GNAQ: variants seen among roughly 807,000 people sequenced by gnomAD.
GNAQ encodes G protein subunit alpha q.
GNAQ carries 8 observed loss-of-function variants against 43.9 expected under a neutral mutation model. The observed-to-expected ratio is 0.18, with a 90% CI of 0.11 to 0.33. GNAQ has a LOEUF of 0.33. GNAQ is among the 10% of genes least tolerant of loss of function. The pLI is 1.00. For synonymous variants in GNAQ, 155 were observed against 170.7 expected (o/e 0.91, Z 0.71); for missense variants, 158 against 450.8 (o/e 0.35, Z 5.88).
intron 5 of GNAQ, among the ~76,000 whole-genome samples, chr9:77,745,496 T>A (rs1825715248): frequency 6.6e-6 from 1 of 151,728 alleles, no homozygotes; most frequent in Admixed American, 6.6e-5. Context: ...CAGATCTTTC[T>A]GAAAGAAAAA....
chr9:77,824,538 CTAAGAA>C (rs1387438896), intron 2 of GNAQ, among the ~76,000 whole-genome samples: 3 of 152,118 alleles, frequency 2.0e-5, no homozygotes, highest in African/African-American at 7.2e-5. Flanking sequence ...CATAACTATT[CTAAGAA>C]TATTTCTGGT....
intron 2 of GNAQ, among the ~76,000 whole-genome samples, chr9:77,822,030 A>G (rs1827125817): frequency 6.6e-6 from 1 of 152,192 alleles, no homozygotes; most frequent in Non-Finnish European, 1.5e-5. Flanking sequence ...AAGTAAGAGA[A>G]TGGGGAGAAT....
chr9:77,852,275 T>C (rs1344825309), intron 2 of GNAQ, among the ~76,000 whole-genome samples: 1 of 152,180 alleles, frequency 6.6e-6, no homozygotes, highest in Non-Finnish European at 1.5e-5. Flanking sequence ...CTCATCCTCA[T>C]TTTAATAAAT....
chr9:77,761,004 C>T (rs1423116359), intron 5 of GNAQ, among the ~76,000 whole-genome samples: 1 of 151,774 alleles, frequency 6.6e-6, no homozygotes, highest in Non-Finnish European at 1.5e-5. Context: ...GGAGACCCTC[C>T]GCCCGGCAGC....
chr9:77,826,849 C>T (rs1308548050), intron 2 of GNAQ, among the ~76,000 whole-genome samples: 2 of 152,192 alleles, frequency 1.3e-5, no homozygotes, highest in Non-Finnish European at 2.9e-5. Flanking sequence ...TCAGATATGA[C>T]TCAGGAGGAA....
chr9:78,005,907 T>G (rs1823700742), intron 1 of GNAQ, among the ~76,000 whole-genome samples: 1 of 152,218 alleles, frequency 6.6e-6, no homozygotes, highest in African/African-American at 2.4e-5. Context: ...GAAAAGGGTA[T>G]GGGATGAAGT....
At chr9:77,784,738 A>C (rs1288810408) in intron 5 of GNAQ, among the ~76,000 whole-genome samples, 4 of 152,188 alleles carry the variant, frequency 2.6e-5, no homozygotes, top group Non-Finnish European at 5.9e-5. Flanking sequence ...GACGTGCATC[A>C]CTGATTTATA....
intron 1 of GNAQ, among the ~76,000 whole-genome samples, chr9:77,967,987 AT>A (rs1184450903): frequency 7.2e-5 from 11 of 152,294 alleles, no homozygotes; most frequent in African/African-American, 2.6e-4. Flanking sequence ...TCTAAAAAAA[AT>A]AATAATAAAC....
intron 1 of GNAQ, among the ~76,000 whole-genome samples, chr9:78,016,460 C>G (rs555784887): frequency 6.6e-6 from 1 of 152,018 alleles, no homozygotes; most frequent in Non-Finnish European, 1.5e-5. Flanking sequence ...CCAAGGTGGG[C>G]GGATCACGAG....
At chr9:77,964,921 C>G (rs995088626) in intron 1 of GNAQ, among the ~76,000 whole-genome samples, 1 of 152,040 alleles carries the variant, frequency 6.6e-6, no homozygotes, top group South Asian at 2.1e-4. Flanking sequence ...TGGGCTTTTA[C>G]TCAATTACAA....
intron 1 of GNAQ, among the ~76,000 whole-genome samples, chr9:78,014,986 C>A (rs955354505): frequency 6.6e-6 from 1 of 152,158 alleles, no homozygotes; most frequent in African/African-American, 2.4e-5. Context: ...GTGTAACAAA[C>A]CTACCAAGCT....
chr9:78,020,401 A>G (rs968134167), intron 1 of GNAQ, among the ~76,000 whole-genome samples: 1 of 152,184 alleles, frequency 6.6e-6, no homozygotes, highest in Non-Finnish European at 1.5e-5. Context: ...ACACAGCTTC[A>G]TGAGAGTTCT....
intron 1 of GNAQ, among the ~76,000 whole-genome samples, chr9:77,957,160 A>T (rs188770061): frequency 3.3e-4 from 51 of 152,290 alleles, no homozygotes; most frequent in Admixed American, 7.8e-4. Context: ...ATTCGAGACC[A>T]GTCTGGCCAA....
intron 1 of GNAQ, among the ~76,000 whole-genome samples, chr9:77,968,587 T>C (rs375380895): frequency 9.9e-5 from 15 of 152,236 alleles, no homozygotes; most frequent in Non-Finnish European, 2.9e-5. Context: ...ATTCTATGTA[T>C]TGAATGTATT....
intron 1 of GNAQ, among the ~76,000 whole-genome samples, chr9:77,968,757 A>G (rs1823199758): frequency 6.6e-6 from 1 of 152,220 alleles, no homozygotes; most frequent in Non-Finnish European, 1.5e-5. Context: ...CCGTTTGCCA[A>G]AACAGAGACA....
chr9:77,955,959 T>C (rs1823035525), intron 1 of GNAQ, among the ~76,000 whole-genome samples: 1 of 152,218 alleles, frequency 6.6e-6, no homozygotes, highest in African/African-American at 2.4e-5. Context: ...GCCACGGCAA[T>C]TTCTTGGCTA....
In GNAQ at chr9:77,859,370, G is replaced by C. The variant is rs544293087; in HGVS notation, c.322-43600C>G. Among the ~76,000 whole-genome samples, 17 of 152,284 alleles carry C rather than the reference G, an allele frequency of 1.1e-4. 1 individual carries two copies. The highest frequency in any genetic ancestry group is 4.1e-4 in the African/African-American group (17 of 41,564). The stretch of plus-strand genomic sequence containing the variant: ...TTTGCTTTAACTACAGAAGGAGATA[G>C]ATGTGAAATAATGATAAATTTAATA... On this transcript the variant is annotated intron_variant, in intron 2 of 6. Transcript: ENST00000286548.
chr9:77,771,632 A>G (rs1485872642), intron 5 of GNAQ, among the ~76,000 whole-genome samples: 4 of 152,116 alleles, frequency 2.6e-5, no homozygotes, highest in Non-Finnish European at 4.4e-5. Flanking sequence ...CTGGCTACAG[A>G]ATCTGCAGGT....
intron 2 of GNAQ, among the ~76,000 whole-genome samples, chr9:77,847,706 G>A (rs1459679928): frequency 6.6e-6 from 1 of 152,216 alleles, no homozygotes; most frequent in Non-Finnish European, 1.5e-5. Context: ...CTAGTCCACT[G>A]TCAAGGCAAA....
Sources: allele counts gnomAD v4.1 joint callset (sites outside exome capture counted in the v4.1 genomes callset), GRCh38; gene constraint gnomAD v4.1.1; transcripts MANE v1.5; gene names NCBI Gene and HGNC (gene_info 2026-07-23, HGNC 2026-07-21).